MBNL1: variants seen among roughly 807,000 people sequenced by gnomAD.
MBNL1 encodes the protein muscleblind like splicing regulator 1, also known as muscleblind-like protein 1.
Under a neutral mutation model 42.2 loss-of-function variants are expected in MBNL1, and 8 were observed. The ratio of observed to expected loss-of-function variants is 0.19; its 90% CI spans 0.11 to 0.34. MBNL1 has a LOEUF of 0.34. MBNL1 is among the 10% of genes least tolerant of loss of function. The pLI, the probability that MBNL1 is intolerant of heterozygous loss-of-function variation, is 1.00. For missense variants in MBNL1, 309 were observed against 495.3 expected (o/e 0.62, Z 3.57); for synonymous variants, 169 against 173.9 (o/e 0.97, Z 0.22).
At chr3:152,416,117 G>T (rs917312300) in intron 3 of MBNL1, among the ~76,000 whole-genome samples, 2 of 151,776 alleles carry the variant, frequency 1.3e-5, no homozygotes, top group Non-Finnish European at 1.5e-5. Context: ...TTTTTTTTCC[G>T]AATACATTCT....
intron 2 of MBNL1, among the ~76,000 whole-genome samples, chr3:152,410,817 C>G (rs568768132): frequency 2.3e-4 from 35 of 152,198 alleles, no homozygotes; most frequent in Non-Finnish European, 2.4e-4. Flanking sequence ...GTGGCAAATA[C>G]ACATTGATTA....
intron 2 of MBNL1, among the ~76,000 whole-genome samples, chr3:152,387,238 T>A (rs540643814): frequency 2.3e-5 from 3 of 131,982 alleles, no homozygotes; most frequent in African/African-American, 8.6e-5. Flanking sequence ...TTCCAGTCTG[T>A]GTATTTTTTT....
At chr3:152,407,370 G>A (rs976506535) in intron 2 of MBNL1, among the ~76,000 whole-genome samples, 1 of 151,784 alleles carries the variant, frequency 6.6e-6, no homozygotes, top group Non-Finnish European at 1.5e-5. Flanking sequence ...TATTGATTAG[G>A]ATTGCTATAT....
intron 1 of MBNL1, among the ~76,000 whole-genome samples, chr3:152,283,391 G>C (rs7639288): frequency 6.6e-6 from 1 of 152,122 alleles, no homozygotes. Flanking sequence ...GTTGTTGTTG[G>C]TGGTGGTGTT....
chr3:152,323,254 A>C (rs35759497), intron 2 of MBNL1, among the ~76,000 whole-genome samples: 16,777 of 152,116 alleles, frequency 0.11, 1,186 homozygotes, highest in Middle Eastern at 0.18. Context: ...TCAATATAGT[A>C]ATAATTCTAA....
At chr3:152,437,837 G>T (rs1253182931) in intron 4 of MBNL1, among the ~76,000 whole-genome samples, 1 of 150,034 alleles carries the variant, frequency 6.7e-6, no homozygotes, top group Non-Finnish European at 1.5e-5. Context: ...GCGGTGGCGC[G>T]ATCTCAGCTC....
chr3:152,375,676 C>T (rs2096867148), intron 2 of MBNL1, among the ~76,000 whole-genome samples: 1 of 151,964 alleles, frequency 6.6e-6, no homozygotes, highest in African/African-American at 2.4e-5. Flanking sequence ...AAAAGTTAGC[C>T]AGGTCTTCGA....
intron 2 of MBNL1, among the ~76,000 whole-genome samples, chr3:152,399,745 C>A (rs990150407): frequency 1.3e-5 from 2 of 152,108 alleles, no homozygotes; most frequent in African/African-American, 2.4e-5. Context: ...TGAAGTGACC[C>A]TCCTATCTCA....
At chr3:152,421,610 C>T (rs1233185458) in intron 3 of MBNL1, among the ~76,000 whole-genome samples, 1 of 152,102 alleles carries the variant, frequency 6.6e-6, no homozygotes, top group Non-Finnish European at 1.5e-5. Context: ...CAAATATACT[C>T]CTCGAGAAGA....
At chr3:152,457,026 T>C (rs1735033439) in intron 8 of MBNL1, among the ~76,000 whole-genome samples, 1 of 152,176 alleles carries the variant, frequency 6.6e-6, no homozygotes, top group African/African-American at 2.4e-5. Flanking sequence ...AAATTGACAG[T>C]CATTCTGTAT....
chr3:152,264,745 A>T (rs990816164), upstream of MBNL1: 4 of 152,234 alleles, frequency 2.6e-5, no homozygotes, highest in Non-Finnish European at 5.9e-5. Flanking sequence ...TAAAATAATG[A>T]TATTGAAGAT....
intron 2 of MBNL1, among the ~76,000 whole-genome samples, chr3:152,367,091 G>A (rs2096421730): frequency 6.6e-6 from 1 of 151,984 alleles, no homozygotes; most frequent in Non-Finnish European, 1.5e-5. Flanking sequence ...AGAATGTGCA[G>A]GTTTGTTACA....
intron 2 of MBNL1, among the ~76,000 whole-genome samples, chr3:152,331,183 C>T (rs1276969453): frequency 6.6e-6 from 1 of 152,038 alleles, no homozygotes; most frequent in Middle Eastern, 3.4e-3. Flanking sequence ...CACTCCTTCC[C>T]CTACACACAC....
intron 6 of MBNL1, among the ~76,000 whole-genome samples, chr3:152,455,255 T>G (rs1402106859): frequency 2.0e-5 from 3 of 152,186 alleles, no homozygotes; most frequent in Non-Finnish European, 2.9e-5. Flanking sequence ...AAGAATTAAG[T>G]GGATTTAAAT....
chr3:152,447,118 T>G (rs1363297221), intron 5 of MBNL1, among the ~76,000 whole-genome samples: 1 of 152,206 alleles, frequency 6.6e-6, no homozygotes, highest in African/African-American at 2.4e-5. Context: ...TTAATATTTA[T>G]AGTTCAGTAT....
chr3:152,454,736 A>G (rs968223884), intron 6 of MBNL1, among the ~76,000 whole-genome samples: 10 of 151,958 alleles, frequency 6.6e-5, no homozygotes, highest in Non-Finnish European at 4.4e-5. Context: ...TGCGTGTGAA[A>G]TTTTGTAGAA....
intron 1 of MBNL1, among the ~76,000 whole-genome samples, chr3:152,271,657 G>A (rs1050167317): frequency 7.2e-5 from 11 of 152,128 alleles, no homozygotes; most frequent in African/African-American, 2.4e-4. Flanking sequence ...AGATATGAGA[G>A]TCAAAAGAGT....
chr3:152,337,941 A>G (rs1379889587), intron 2 of MBNL1: 2 of 224,778 alleles, frequency 8.9e-6, no homozygotes, highest in African/African-American at 2.3e-5. Context: ...CTAATTCCCA[A>G]TAATGTTGCC....
rs58136329 is a variant in MBNL1, at chr3:152,465,722, CTT to C, written c.*3358_*3359del. 2 of 152,460 alleles carry C rather than the reference CTT, an allele frequency of 1.3e-5. No individual in the cohort carries two copies. The highest frequency in any genetic ancestry group is 4.8e-5 in the African/African-American group (2 of 41,410). The allele number at this position is 152,460 out of a possible 1,614,324, so 9.4% of individuals were successfully genotyped here. ...ATTTTATTATTACTGCAGTAGTTGACTTTGCTGTATGGAAAAATAAAGTGAAA... is the reference window on the plus strand; with the variant it reads ...ATTTTATTATTACTGCAGTAGTTGACTGCTGTATGGAAAAATAAAGTGAAA... On this transcript the variant is annotated 3_prime_UTR_variant, in exon 10 of 10. Transcript: ENST00000324210.
Sources: allele counts gnomAD v4.1 joint callset (sites outside exome capture counted in the v4.1 genomes callset), GRCh38; gene constraint gnomAD v4.1.1; transcripts MANE v1.5; gene names NCBI Gene and HGNC (gene_info 2026-07-23, HGNC 2026-07-21).